Variants in ERCC6L2 observed in about 807,000 individuals in gnomAD.
ERCC6L2 encodes the protein ERCC excision repair 6 like 2.
ERCC6L2 carries 77 observed loss-of-function variants against 132.0 expected under a neutral mutation model. The ratio of observed to expected loss-of-function variants is 0.58; its 90% confidence interval spans 0.49 to 0.71. The LOEUF (loss-of-function observed/expected upper bound fraction) is 0.71, where lower values mean the gene tolerates loss of function less well. Among genes scored for constraint, ERCC6L2 ranks in the 30% least tolerant of loss-of-function variants. The pLI is 0.00. For missense variants in ERCC6L2, 1,542 were observed against 1,837.6 expected, an observed-to-expected ratio of 0.84 and a Z score of 2.94; for synonymous variants, 583 against 632.4, an observed-to-expected ratio of 0.92 and a Z score of 1.17.
rs867133664 is a variant in ERCC6L2 at position 96,033,539 on chromosome 9, G to A, written c.*1504-5337G>A. Among the ~76,000 whole-genome samples the A allele has an allele frequency of 3.9e-5, 6 of 152,158 alleles. No individual in the cohort carries two copies. The East Asian group carries it at 9.6e-4, about 24-fold the overall frequency. ...TGGGATAACACGTGTGAACCACCAC[G>A]TCTGGCCATAAATGAATCTTAAATT... is the stretch of plus-strand genomic sequence containing the variant. On this transcript the variant is annotated intron_variant and NMD_transcript_variant, in intron 19 of 20. Coordinates refer to the ERCC6L2 transcript ENST00000670016.
At chr9:95,880,471 G>A (rs1162116775) in intron 1 of ERCC6L2, among the ~76,000 whole-genome samples, 1 of 152,062 alleles carries the variant, frequency 6.6e-6, no homozygotes, top group African/African-American at 2.4e-5. Context: ...TTAGTCAGTG[G>A]CTCTCAACCC....
At chr9:95,894,330 T>G (rs546095511) in intron 2 of ERCC6L2, among the ~76,000 whole-genome samples, 49 of 152,304 alleles carry the variant, frequency 3.2e-4, no homozygotes, top group Non-Finnish European at 6.3e-4. Context: ...TAATATTCAT[T>G]TAAGTCCCTA....
chr9:95,944,876 A>G (rs1459519902), intron 12 of ERCC6L2, among the ~76,000 whole-genome samples: 1 of 152,212 alleles, frequency 6.6e-6, no homozygotes, highest in African/African-American at 2.4e-5. Flanking sequence ...TGTGGGTCAC[A>G]GAGATCACAT....
At chr9:95,925,390 C>G (rs1830057484) in intron 9 of ERCC6L2, among the ~76,000 whole-genome samples, 1 of 152,176 alleles carries the variant, frequency 6.6e-6, no homozygotes, top group African/African-American at 2.4e-5. Flanking sequence ...GTTCATCTTT[C>G]TAGGCCTGAC....
intron 19 of ERCC6L2, among the ~76,000 whole-genome samples, chr9:96,034,343 G>A (rs759999050): frequency 9.2e-5 from 14 of 152,210 alleles, no homozygotes; most frequent in Non-Finnish European, 2.1e-4. Flanking sequence ...AGACACAAAC[G>A]CATTGCAAGT....
rs201342012 is a variant in ERCC6L2 at position 95,978,082 on chromosome 9, A to G, written c.3359A>G (p.Tyr1120Cys). 7.3e-7 allele frequency: 1 copy of G among 1,367,028 alleles called. No individual in the cohort carries two copies. Among genetic ancestry groups the G allele is most frequent in the South Asian group, 1.1e-5 (1 of 87,932 alleles). The allele number at this position is 1,367,028 out of a possible 1,614,324, so 84.7% of individuals were successfully genotyped here. ...CTAGATGGCGTTCAGGAAGTGGCTT[A>G]TATTCACTCAAACCAGAATGTAATT... ...KFLDGVQEVA[Y>C]IHSNQNVIGS... Residue 1120 changes from tyrosine (Y) to cysteine (C), a missense_variant, in exon 17 of 19, where the codon TAT becomes TGT. This residue lies in a region of ERCC6L2 where 442 missense variants were observed against 583.4 expected (regional missense o/e 0.76). Transcript: ENST00000653738.
intron 2 of ERCC6L2, among the ~76,000 whole-genome samples, chr9:95,891,704 C>G (rs1828176365): frequency 6.6e-6 from 1 of 151,884 alleles, no homozygotes; most frequent in African/African-American, 2.4e-5. Context: ...ATTGCCAACA[C>G]TTGTTATTTT....
chr9:95,907,653 T>TCTTACATTGAATACAGGATA (rs1829112258), intron 4 of ERCC6L2, among the ~76,000 whole-genome samples: 1 of 152,132 alleles, frequency 6.6e-6, no homozygotes, highest in Non-Finnish European at 1.5e-5. Flanking sequence ...TTATTCTATT[T>TCTTACATTGAATACAGGATA]CTTACATTGA....
intron 18 of ERCC6L2, among the ~76,000 whole-genome samples, chr9:96,011,696 G>A (rs913180208): frequency 2.6e-5 from 4 of 152,172 alleles, no homozygotes; most frequent in African/African-American, 9.6e-5. Context: ...TATCAGTTTA[G>A]AACTTTCCTT....
intron 4 of ERCC6L2, among the ~76,000 whole-genome samples, chr9:95,914,672 A>G (rs1049132386): frequency 3.3e-5 from 5 of 152,158 alleles, no homozygotes; most frequent in African/African-American, 1.2e-4. Flanking sequence ...AATTCTTTAT[A>G]TATTCTGTAT....
intron 3 of ERCC6L2, among the ~76,000 whole-genome samples, chr9:95,905,928 T>G (rs12348051): frequency 0.24 from 37,170 of 152,152 alleles, 5,525 homozygotes; most frequent in East Asian, 0.4. Context: ...TATAAAACTT[T>G]AGAAAATAAT....
intron 17 of ERCC6L2, among the ~76,000 whole-genome samples, chr9:95,994,533 C>T (rs763967241): frequency 3.9e-5 from 6 of 152,226 alleles, no homozygotes; most frequent in Non-Finnish European, 7.3e-5. Context: ...CCATTCCACA[C>T]TTGCTTAATA....
chr9:95,961,972 T>C (rs73536515), intron 13 of ERCC6L2, among the ~76,000 whole-genome samples: 2,971 of 150,668 alleles, frequency 0.02, 107 homozygotes, highest in African/African-American at 0.069. Flanking sequence ...ACCGCCCACA[T>C]GATTCAGTTA....
intron 17 of ERCC6L2, among the ~76,000 whole-genome samples, chr9:96,000,447 T>C (rs983911695): frequency 1.3e-5 from 2 of 152,212 alleles, no homozygotes; most frequent in Admixed American, 6.5e-5. Context: ...AAACATCATA[T>C]TTTTAAAAAT....
At position 95,907,065 on chromosome 9, in the gene ERCC6L2, A is replaced by G. The variant is rs751783331; in HGVS notation, c.595-13A>G. The G allele has an allele frequency of 2.5e-6, 4 of 1,577,496 alleles. No homozygotes were observed. The highest frequency in any genetic ancestry group is 3.4e-6 in the Non-Finnish European group (4 of 1,169,734). On this transcript the variant is annotated splice_polypyrimidine_tract_variant and intron_variant, in intron 3 of 18. Transcript: ENST00000653738. ...TTTTAAAAAACAGCAAAATTTTTTT[A>G]TTCTTGTTTTAGATGTTCTTAATAG...
chr9:95,897,282 C>T (rs1828515943), intron 2 of ERCC6L2, among the ~76,000 whole-genome samples: 1 of 152,162 alleles, frequency 6.6e-6, no homozygotes, highest in African/African-American at 2.4e-5. Context: ...GTATTTCTTG[C>T]TCTAATTTAT....
At chr9:96,035,388 T>C (rs1340391831) in intron 19 of ERCC6L2, among the ~76,000 whole-genome samples, 1 of 152,138 alleles carries the variant, frequency 6.6e-6, no homozygotes, top group Non-Finnish European at 1.5e-5. Flanking sequence ...TCCTCTCCTC[T>C]GAGGGCCATG....
intron 2 of ERCC6L2, among the ~76,000 whole-genome samples, chr9:95,882,933 AAGG>A (rs1165084457): frequency 6.6e-6 from 1 of 152,204 alleles, no homozygotes; most frequent in Non-Finnish European, 1.5e-5. Context: ...AGAATAAAGA[AAGG>A]AGCCTTCAAG....
chr9:95,974,042 A>G lies in ERCC6L2; in HGVS notation c.3337+954A>G, dbSNP rs919156866. On this transcript the variant is annotated intron_variant, in intron 16 of 18. Coordinates refer to ENST00000653738, the MANE Select transcript of ERCC6L2 (RefSeq NM_020207.7). The stretch of plus-strand genomic sequence containing the variant: ...TCAGGTTCAGTTCCTTTGGCAAGAT[A>G]TAAGTTAGTGTTTAACAAGACTATA... 3.3e-5 allele frequency among the ~76,000 whole-genome samples: 5 copies of G among 152,308 alleles called. No individual in the cohort carries two copies. In the East Asian group the frequency reaches 9.6e-4, roughly 29 times the overall value.
Sources: allele counts gnomAD v4.1 joint callset (sites outside exome capture counted in the v4.1 genomes callset), GRCh38; gene constraint gnomAD v4.1.1; regional missense constraint gnomAD v4.1.1; transcripts MANE v1.5; gene names NCBI Gene and HGNC (gene_info 2026-07-23, HGNC 2026-07-21).